FOXN3: variants seen among roughly 807,000 people sequenced by gnomAD.
The protein encoded by FOXN3 is forkhead box N3, also known as forkhead box protein N3.
In FOXN3, 7 loss-of-function variants were observed where a neutral mutation model predicts 38.4. The observed-to-expected ratio is 0.18, with a 90% CI of 0.10 to 0.34. The LOEUF (loss-of-function observed/expected upper bound fraction) is 0.34. Ranked by LOEUF, FOXN3 falls within the 10% of genes least tolerant of loss-of-function variation. The pLI is 1.00. For synonymous variants in FOXN3, 230 were observed against 242.2 expected (o/e 0.95, Z 0.47); for missense variants, 456 against 613.4 (o/e 0.74, Z 2.71).
chr14:89,231,562 T>A (rs959161026), intron 4 of FOXN3, among the ~76,000 whole-genome samples: 1 of 152,056 alleles, frequency 6.6e-6, no homozygotes, highest in Non-Finnish European at 1.5e-5. Flanking sequence ...CCAGGCAGTA[T>A]GACAGAGGAG....
At chr14:89,372,643 T>C (rs75927408) in intron 2 of FOXN3, among the ~76,000 whole-genome samples, 2,061 of 152,086 alleles carry the variant, frequency 0.014, 61 homozygotes, top group African/African-American at 0.048. Flanking sequence ...TGTTATTTAC[T>C]AGGTCAGGGT....
chr14:89,190,413 A>G, intron 4 of FOXN3: 1 of 1,614,076 alleles, frequency 6.2e-7, no homozygotes, highest in Non-Finnish European at 8.5e-7. Flanking sequence ...GGGAGTATTC[A>G]AAAGCATCAT....
At chr14:89,397,035 A>G (rs551061733) in intron 2 of FOXN3, among the ~76,000 whole-genome samples, 1 of 152,162 alleles carries the variant, frequency 6.6e-6, no homozygotes, top group Non-Finnish European at 1.5e-5. Context: ...CATGGAATCA[A>G]CCTAAGTCCC....
At position 89,163,025 on chromosome 14, in the gene FOXN3, C is replaced by T. The variant is rs1371329338; in HGVS notation, c.852-56G>A. On this transcript the variant is annotated intron_variant, in intron 5 of 5. Transcript: ENST00000557258. The surrounding 1 kb of genome is among the most constrained non-coding windows in gnomAD (Gnocchi z 4.3). Reference sequence around the variant, plus strand: ...GAGACAAAGAAGGGACACAGTTAGACGTCCTCAGATGGGGGCACCCGGCAG... The same window carrying T: ...GAGACAAAGAAGGGACACAGTTAGATGTCCTCAGATGGGGGCACCCGGCAG... The T allele has an allele frequency of 1.0e-5, 15 of 1,455,548 alleles. No homozygotes were observed. Among genetic ancestry groups the T allele is most frequent in the African/African-American group, 2.8e-5 (2 of 70,740 alleles). The allele number at this position is 1,455,548 out of a possible 1,614,324, so 90.2% of individuals were successfully genotyped here. A position where few individuals can be genotyped will look rare whatever the true frequency, so the allele number is the denominator to read the frequency against.
At chr14:89,367,873 T>C (rs964270724) in intron 2 of FOXN3, among the ~76,000 whole-genome samples, 3 of 152,096 alleles carry the variant, frequency 2.0e-5, no homozygotes, top group African/African-American at 7.2e-5. Context: ...AGGCCTATGG[T>C]AGAGAATTTA....
At chr14:89,199,919 CAACAACAACAAA>C (rs1402768205) in intron 4 of FOXN3, among the ~76,000 whole-genome samples, 2 of 151,964 alleles carry the variant, frequency 1.3e-5, no homozygotes, top group East Asian at 1.9e-4. Flanking sequence ...ACAACAACAA[CAACAACAACAAA>C]AACAACAACA....
intron 3 of FOXN3, among the ~76,000 whole-genome samples, chr14:89,285,863 A>AATT (rs779812398): frequency 6.9e-6 from 1 of 145,980 alleles, no homozygotes; most frequent in African/African-American, 2.6e-5. Context: ...TTTACCAAAA[A>AATT]TTTTTTTTTT....
At chr14:89,535,118 G>A (rs1301515646) in intron 1 of FOXN3, among the ~76,000 whole-genome samples, 2 of 151,976 alleles carry the variant, frequency 1.3e-5, no homozygotes, top group Non-Finnish European at 2.9e-5. Flanking sequence ...TCTCAATGGA[G>A]CATTTTCTCT....
intron 1 of FOXN3, among the ~76,000 whole-genome samples, chr14:89,595,499 T>C (rs1302192312): frequency 1.3e-5 from 2 of 152,226 alleles, no homozygotes; most frequent in Non-Finnish European, 2.9e-5. Flanking sequence ...GTTCTGATTA[T>C]TAGTGATAAA....
Position 89,162,419 on chromosome 14 carries a change from T to G in FOXN3, c.1402A>C (p.Asn468His). ...AACAAATCAGTGACTTGTTTTTAAT[T>G]TTTTGTGGTTTCCTTTTGCTCTTTC... ...GQKEQKETTK[N>H] Residue 468 changes from asparagine to histidine, a missense_variant, in exon 6 of 6, where the codon AAT becomes CAT. By Grantham distance (68) the Asn-to-His change is moderately conservative (BLOSUM62 1). This residue lies in a region of FOXN3 where 386 missense variants were observed against 505.2 expected (regional missense o/e 0.76). Coordinates refer to ENST00000557258, the MANE Select transcript of FOXN3 (RefSeq NM_005197.4). This position sits in a 1 kb window ranked among gnomAD's most constrained non-coding sequence, Gnocchi z 7.2. 1.3e-6 allele frequency: 2 copies of G among 1,548,132 alleles called. No individual in the cohort carries two copies. Among genetic ancestry groups the G allele is most frequent in the Non-Finnish European group, 1.7e-6 (2 of 1,147,920 alleles).
rs80253255 is a variant in FOXN3 at position 89,539,872 on chromosome 14, A to T, written c.-15+79156T>A. ...TATTCAACTTCAATGTGCTTGAAAA[A>T]CTAGACATAGGCTGCATGAGAAAAG... On this transcript the variant is annotated intron_variant, in intron 1 of 6. Transcript: ENST00000345097. Among the ~76,000 whole-genome samples, 1,344 of 152,298 alleles carry T rather than the reference A, an allele frequency of 8.8e-3. 21 individuals are homozygous for T. The highest frequency in any genetic ancestry group is 0.031 in the African/African-American group (1,272 of 41,560).
intron 1 of FOXN3, among the ~76,000 whole-genome samples, chr14:89,463,774 G>A (rs770318397): frequency 7.1e-6 from 1 of 140,248 alleles, no homozygotes; most frequent in Non-Finnish European, 1.5e-5. Context: ...AGGGGTAGTG[G>A]TCTCTCTCTC....
intron 4 of FOXN3, among the ~76,000 whole-genome samples, chr14:89,193,493 G>A (rs1223528107): frequency 6.6e-5 from 10 of 152,128 alleles, no homozygotes; most frequent in Non-Finnish European, 1.3e-4. Context: ...ACTTGTGGGG[G>A]TGCTTTGGAT....
At chr14:89,592,876 A>T (rs1024293142) in intron 1 of FOXN3, among the ~76,000 whole-genome samples, 1 of 152,212 alleles carries the variant, frequency 6.6e-6, no homozygotes, top group African/African-American at 2.4e-5. Context: ...TAGAGCAACC[A>T]GGCCAAATTA....
rs574681067 is a variant in FOXN3 at position 89,511,357 on chromosome 14, A to G, written c.-14-98867T>C. Among the ~76,000 whole-genome samples the G allele has an allele frequency of 2.0e-5, 3 of 148,662 alleles. No homozygotes were observed. The Admixed American group carries it at 2.0e-4, about 10-fold the overall frequency. On this transcript the variant is annotated intron_variant, in intron 1 of 6. Coordinates refer to the FOXN3 transcript ENST00000345097. The stretch of plus-strand genomic sequence containing the variant: ...TGCTTAGGCTGCAGTGCAATGGTAT[A>G]ATCATGGCTCACTGCAGCCTCAACC...
At chr14:89,519,442 C>T (rs148421808) in intron 1 of FOXN3, among the ~76,000 whole-genome samples, 182 of 152,164 alleles carry the variant, frequency 1.2e-3, no homozygotes, top group African/African-American at 4.1e-3. Context: ...CCATTATGTA[C>T]GCGTCAGAAG....
chr14:89,499,326 G>T lies in FOXN3; in HGVS notation c.-14-86836C>A, dbSNP rs192308879. On this transcript the variant is annotated intron_variant, in intron 1 of 6. Transcript: ENST00000345097. ...AAGATGAATACAGGCCTGAGAAACT[G>T]TCCCTGAGCACTGAAGTGCCGACTT... Among the ~76,000 whole-genome samples the T allele has an allele frequency of 1.9e-3, 288 of 152,220 alleles. 2 individuals are homozygous for T. Among genetic ancestry groups the T allele is most frequent in the African/African-American group, 6.8e-3 (283 of 41,532 alleles).
intron 3 of FOXN3, among the ~76,000 whole-genome samples, chr14:89,333,650 T>TAG (rs1228875519): frequency 7.1e-6 from 1 of 141,132 alleles, no homozygotes; most frequent in Non-Finnish European, 1.5e-5. Flanking sequence ...TAATCCCAGC[T>TAG]AACTGGGAGG....
chr14:89,416,742 C>G (rs1219396877), intron 1 of FOXN3, 129 bp downstream of exon 1: 3 of 152,312 alleles, frequency 2.0e-5, no homozygotes, highest in Middle Eastern at 3.4e-3. Flanking sequence ...ACCCTCCCCC[C>G]AGGACCTGCG....
Sources: allele counts gnomAD v4.1 joint callset (sites outside exome capture counted in the v4.1 genomes callset), GRCh38; gene constraint gnomAD v4.1.1; regional missense constraint gnomAD v4.1.1; non-coding constraint Gnocchi (gnomAD v3.1); transcripts MANE v1.5; gene names NCBI Gene and HGNC (gene_info 2026-07-23, HGNC 2026-07-21).